ZNF235: variants seen among roughly 807,000 people sequenced by gnomAD.
ZNF235 encodes the protein zfp-93.
A neutral mutation model predicts 29.4 loss-of-function variants in ZNF235; 25 were observed. The ratio of observed to expected loss-of-function variants is 0.85; its 90% CI spans 0.62 to 1.19. The LOEUF is 1.19. ZNF235 is among the 50% of genes most tolerant of loss of function. ZNF235 has a pLI of 0.00. For synonymous variants in ZNF235, 300 were observed against 295.3 expected, an observed-to-expected ratio of 1.02 and a Z score of -0.16; for missense variants, 788 against 885.0, an observed-to-expected ratio of 0.89 and a Z score of 1.39.
Position 44,289,012 on chromosome 19 carries a change from A to C in ZNF235, c.423T>G (p.Cys141Trp). 6.2e-7 allele frequency: 1 copy of C among 1,614,118 alleles called. No individual in the cohort carries two copies. The highest frequency in any genetic ancestry group is 8.5e-7 in the Non-Finnish European group (1 of 1,179,982). ...GAATAGATTCTCCTGCTCCCACTTG[A>C]CAGGGGGAATCATGGTGCTTGGGGA... is the stretch of plus-strand genomic sequence containing the variant. ...SQFPKHHDSP[C>W]QVGAGESIQA... Residue 141 changes from cysteine (C) to tryptophan (W), a missense_variant, in exon 5 of 5, where the codon TGT (cysteine) becomes TGG (tryptophan). Coordinates refer to ENST00000291182, the MANE Select transcript of ZNF235 (RefSeq NM_004234.4).
chr19:44,299,647 C>T lies in ZNF235; in HGVS notation c.101G>A (p.Arg34Gln), dbSNP rs546568547. The change falls in exon 3 of 5, where the codon CGA (arginine) becomes CAA (glutamine). Residue 34 changes from arginine (R) to glutamine (Q), a missense_variant. Physicochemically the swap from Arg to Gln is conservative, Grantham distance 43. Coordinates refer to ENST00000291182, the MANE Select transcript of ZNF235 (RefSeq NM_004234.4). Reference protein sequence around the residue: ...LLDSAQRKLYRDVMLENFRNL... With the variant: ...LLDSAQRKLYQDVMLENFRNL... ...CCTAAAGTTCTCCAGCATCACATCT[C>T]GGTACAGCTTCCTCTGGGCAGAGTC... 3.7e-6 allele frequency: 6 copies of T among 1,614,172 alleles called. No homozygotes were observed. The highest frequency in any genetic ancestry group is 2.2e-5 in the East Asian group (1 of 44,882).
At chr19:44,302,997 TACA>T (rs1975770374) in intron 2 of ZNF235, among the ~76,000 whole-genome samples, 1 of 133,026 alleles carries the variant, frequency 7.5e-6, no homozygotes, top group East Asian at 2.0e-4. Context: ...TATAAATATA[TACA>T]TATATACGTA....
At chr19:44,296,488 T>TG (rs1975656179) in intron 4 of ZNF235, among the ~76,000 whole-genome samples, 1 of 152,204 alleles carries the variant, frequency 6.6e-6, no homozygotes, top group African/African-American at 2.4e-5. Context: ...AACTGAATGG[T>TG]GGGATTACAA....
At chr19:44,291,120 A>G (rs550934690) in intron 4 of ZNF235, among the ~76,000 whole-genome samples, 91 of 152,340 alleles carry the variant, frequency 6.0e-4, no homozygotes, top group African/African-American at 2.0e-3. Flanking sequence ...TCAGGTGCAC[A>G]TGGAACATAC....
At chr19:44,304,286 A>G (rs16978921) in intron 1 of ZNF235, among the ~76,000 whole-genome samples, 2,819 of 152,336 alleles carry the variant, frequency 0.019, 49 homozygotes, top group African/African-American at 0.05. Context: ...ATTATACTGA[A>G]CATTTATTAG....
intron 4 of ZNF235, among the ~76,000 whole-genome samples, chr19:44,292,461 GC>G (rs1454162058): frequency 6.6e-6 from 1 of 151,244 alleles, no homozygotes; most frequent in Non-Finnish European, 1.5e-5. Context: ...ACAGTTGAAA[GC>G]TTTTACAATA....
Position 44,287,687 on chromosome 19 carries a change from G to T in ZNF235, c.1748C>A (p.Ala583Asp). 1 of 1,612,758 alleles carries T rather than the reference G, an allele frequency of 6.2e-7. No homozygotes were observed. Among genetic ancestry groups the T allele is most frequent in the Non-Finnish European group, 8.5e-7 (1 of 1,179,524 alleles). The change falls in exon 5 of 5, where the codon GCT becomes GAT. Residue 583 changes from alanine (A) to aspartate (D), a missense_variant. Physicochemically the swap from Ala to Asp is moderately radical, Grantham distance 126. Coordinates refer to ENST00000291182, the MANE Select transcript of ZNF235 (RefSeq NM_004234.4). ...GCTCTGATGGGCTTGAAGATTTGAA[G>T]CCTGACTGAAACCCTTACCACACTC... is the stretch of plus-strand genomic sequence containing the variant. Reference protein sequence around the residue: ...CEECGKGFSQASNLQAHQSVH... With the variant: ...CEECGKGFSQDSNLQAHQSVH...
intron 4 of ZNF235, among the ~76,000 whole-genome samples, chr19:44,292,943 A>G (rs1975604639): frequency 6.6e-6 from 1 of 152,070 alleles, no homozygotes; most frequent in Non-Finnish European, 1.5e-5. Context: ...AGTTGCTTCA[A>G]AAAACAAAAA....
At chr19:44,298,156 A>G (rs955957689) in intron 4 of ZNF235, among the ~76,000 whole-genome samples, 4 of 152,172 alleles carry the variant, frequency 2.6e-5, no homozygotes, top group Non-Finnish European at 5.9e-5. Context: ...GGTTTAAGAA[A>G]AAACAGCATT....
chr19:44,303,999 T>A lies in ZNF235; in HGVS notation c.-48-547A>T, dbSNP rs1975793770. On this transcript the variant is annotated intron_variant, in intron 1 of 4. Coordinates refer to ENST00000291182, the MANE Select transcript of ZNF235 (RefSeq NM_004234.4). ...TAAGAAACCCAGAACTCAAAAATAATTGCTCTGTCCTGTGAGTTACCATTA... is the reference window on the plus strand; with the variant it reads ...TAAGAAACCCAGAACTCAAAAATAAATGCTCTGTCCTGTGAGTTACCATTA... Among the ~76,000 whole-genome samples the A allele has an allele frequency of 3.3e-5, 5 of 152,226 alleles. No homozygotes were observed. In the South Asian group the frequency reaches 1.0e-3, roughly 32 times the overall value.
rs2123104371 is a variant in ZNF235 at position 44,299,517 on chromosome 19, C to T, written c.142+89G>A. ...AACATCCCAAAATACACAGGATAGCCTGATACAACACAGAATTATCTGGCC... is the reference window on the plus strand; with the variant it reads ...AACATCCCAAAATACACAGGATAGCTTGATACAACACAGAATTATCTGGCC... On this transcript the variant is annotated intron_variant, in intron 3 of 4. Transcript: ENST00000291182. The T allele has an allele frequency of 3.9e-6, 6 of 1,539,598 alleles. No homozygotes were observed. In the South Asian group the frequency reaches 4.8e-5, roughly 12 times the overall value.
At chr19:44,303,210 T>C (rs1168328360) in intron 2 of ZNF235, among the ~76,000 whole-genome samples, 180 bp downstream of exon 2, 3 of 147,818 alleles carry the variant, frequency 2.0e-5, no homozygotes, top group African/African-American at 7.4e-5. Context: ...TTAACAGATA[T>C]ATATATATCT....
In ZNF235 at chr19:44,303,375, G is replaced by A; in HGVS notation, c.15+15C>T. 1 of 1,611,380 alleles carries A rather than the reference G, an allele frequency of 6.2e-7. No homozygotes were observed. The highest frequency in any genetic ancestry group is 8.5e-7 in the Non-Finnish European group (1 of 1,178,388). The stretch of plus-strand genomic sequence containing the variant: ...AGATGTCATTTTAAGAAACACAAAG[G>A]CAAACCAAACTTACCTGGAACTTGG... On this transcript the variant is annotated intron_variant, in intron 2 of 4. Transcript: ENST00000291182.
intron 4 of ZNF235, chr19:44,290,322 C>T (rs1043019315): frequency 1.3e-5 from 2 of 153,312 alleles, no homozygotes; most frequent in Admixed American, 1.3e-4. Flanking sequence ...TGGAAATGGC[C>T]AACCAGGAGA....
chr19:44,288,774 A>G lies in ZNF235; in HGVS notation c.661T>C (p.Ser221Pro). 6.2e-7 allele frequency: 1 copy of G among 1,613,994 alleles called. No homozygotes were observed. The highest frequency in any genetic ancestry group is 8.5e-7 in the Non-Finnish European group (1 of 1,179,966). ...ACTATATTATCATCATGGTGGTGTGAAATACAACTGAAAATGTCAACATAT... is the reference window on the plus strand; with the variant it reads ...ACTATATTATCATCATGGTGGTGTGGAATACAACTGAAAATGTCAACATAT... Reference protein sequence around the residue: ...APYVDIFSCISHHHDDNIVHK... With the variant: ...APYVDIFSCIPHHHDDNIVHK... Residue 221 changes from serine (S) to proline (P), a missense_variant, in exon 5 of 5, where the codon TCA (serine) becomes CCA (proline). Coordinates refer to ENST00000291182, the MANE Select transcript of ZNF235 (RefSeq NM_004234.4).
Position 44,288,562 on chromosome 19 carries a change from T to C in ZNF235, c.873A>G (p.Pro291=), listed in dbSNP as rs1484977967. The change falls in exon 5 of 5, where the codon CCA becomes CCG. Residue 291 remains proline (P), a synonymous_variant. Transcript: ENST00000291182. ...HKQVHLGKKS[P]ACSTHEKDTS... ...TGTCCTTCTCATGTGTACTACACGC[T>C]GGAGACTTCTTTCCCAAGTGTACCT... 16 of 1,614,024 alleles carry C rather than the reference T, an allele frequency of 9.9e-6. No individual in the cohort carries two copies. Among genetic ancestry groups the C allele is most frequent in the African/African-American group, 1.3e-5 (1 of 74,954 alleles).
At position 44,287,539 on chromosome 19, in the gene ZNF235, A is replaced by G; in HGVS notation, c.1896T>C (p.Cys632=). Residue 632 remains cysteine (C), a synonymous_variant, in exon 5 of 5, where the codon TGT becomes TGC. Coordinates refer to ENST00000291182, the MANE Select transcript of ZNF235 (RefSeq NM_004234.4). ...TGEKPYKCDT[C]GKAFSQRSNL... is the part of the protein sequence containing the mutation. ...TTGACCTCTGGCTGAAGGCCTTACC[A>G]CAAGTGTCACATTTATATGGTTTCT... 6.2e-7 allele frequency: 1 copy of G among 1,614,106 alleles called. No individual in the cohort carries two copies. Among genetic ancestry groups the G allele is most frequent in the Non-Finnish European group, 8.5e-7 (1 of 1,180,014 alleles).
rs1306578696 is a variant in ZNF235 at position 44,287,979 on chromosome 19, G to T, written c.1456C>A (p.Pro486Thr). ...SHQRVHTGEK[P>T]YKCEECGKGF... Reference sequence around the variant, plus strand: ...TTACCACACTCTTCACATTTATATGGTTTTTCTCCTGTGTGGACTCGTTGA... The same window carrying T: ...TTACCACACTCTTCACATTTATATGTTTTTTCTCCTGTGTGGACTCGTTGA... The change falls in exon 5 of 5, where the codon CCA becomes ACA. Residue 486 changes from proline (P) to threonine (T), a missense_variant. Pro to Thr is a conservative substitution (Grantham distance 38). Transcript: ENST00000291182. 6.2e-7 allele frequency: 1 copy of T among 1,614,068 alleles called. No homozygotes were observed. Among genetic ancestry groups the T allele is most frequent in the Non-Finnish European group, 8.5e-7 (1 of 1,180,026 alleles).
rs367985970 is a variant in ZNF235, at chr19:44,290,753, AC to A, written c.239-1558del. 3.7e-3 allele frequency: 591 copies of A among 159,000 alleles called. 3 individuals are homozygous for A. The highest frequency in any genetic ancestry group is 0.013 in the African/African-American group (559 of 41,800). 9.8% of individuals were successfully genotyped at this position (159,000 alleles called of 1,614,324 possible). A position where few individuals can be genotyped will look rare whatever the true frequency, so the allele number is the denominator to read the frequency against. On this transcript the variant is annotated intron_variant, in intron 4 of 4. Transcript: ENST00000291182. Reference sequence around the variant, plus strand: ...AAAGATGCTCAAAAACCTCCACAAAACCTATTATGACAACTCTGGGAAGACA... The same window carrying A: ...AAAGATGCTCAAAAACCTCCACAAAACTATTATGACAACTCTGGGAAGACA...
Sources: allele counts gnomAD v4.1 joint callset (sites outside exome capture counted in the v4.1 genomes callset), GRCh38; gene constraint gnomAD v4.1.1; transcripts MANE v1.5; gene names NCBI Gene and HGNC (gene_info 2026-07-23, HGNC 2026-07-21).